PCDHA4: variants seen among roughly 807,000 people sequenced by gnomAD.
PCDHA4 encodes the protein protocadherin alpha 4, also known as protocadherin alpha-4.
PCDHA4 carries 49 observed loss-of-function variants against 61.4 expected under a neutral mutation model. That is an observed-to-expected ratio of 0.80 (90% CI 0.63 to 1.01). The LOEUF is 1.01. PCDHA4 is among the 50% of genes least tolerant of loss of function. PCDHA4 has a pLI of 0.00. For synonymous variants in PCDHA4, 590 were observed against 550.3 expected, an observed-to-expected ratio of 1.07 and a Z score of -1.01; for missense variants, 1,254 against 1,235.8, an observed-to-expected ratio of 1.01 and a Z score of -0.22.
intron 1 of PCDHA4, chr5:140,858,010 C>T (rs1554151006): frequency 1.3e-6 from 2 of 1,596,376 alleles, no homozygotes; most frequent in South Asian, 1.1e-5. Flanking sequence ...AGGACCATGG[C>T]GAGCCGTCGC....
chr5:140,876,657 C>T (rs782518264), intron 1 of PCDHA4: 3 of 1,614,228 alleles, frequency 1.9e-6, no homozygotes, highest in East Asian at 4.5e-5. Flanking sequence ...ATGTTCCCTT[C>T]AAGCTGGTGT....
chr5:140,967,293 A>T, intron 1 of PCDHA4: 1 of 1,612,824 alleles, frequency 6.2e-7, no homozygotes. Flanking sequence ...CAGGACCCCG[A>T]CGTGGGCGCC....
chr5:140,875,553 G>A (rs1447542979), intron 1 of PCDHA4: 4 of 1,614,000 alleles, frequency 2.5e-6, no homozygotes, highest in African/African-American at 2.7e-5. Flanking sequence ...GGGAGGTGGG[G>A]AGCGGCCAGC....
chr5:140,992,017 C>CTGTGTG (rs10602499), intron 3 of PCDHA4, among the ~76,000 whole-genome samples: 2,290 of 145,594 alleles, frequency 0.016, 56 homozygotes, highest in African/African-American at 0.05. Flanking sequence ...AGAGGTGGCT[C>CTGTGTG]TGTGTGTGTG....
intron 3 of PCDHA4, among the ~76,000 whole-genome samples, chr5:140,997,328 G>A (rs76646758): frequency 0.013 from 1,948 of 152,070 alleles, 47 homozygotes; most frequent in African/African-American, 0.045. Flanking sequence ...CAGTTTTTTC[G>A]TTGTACAAAT....
At chr5:140,875,373 A>G in intron 1 of PCDHA4, 7 of 1,454,810 alleles carry the variant, frequency 4.8e-6, no homozygotes, top group Non-Finnish European at 6.3e-6. Flanking sequence ...AAAATTTACT[A>G]AATATGTACT....
chr5:140,917,396 G>C (rs928504202), intron 1 of PCDHA4, among the ~76,000 whole-genome samples: 2 of 151,286 alleles, frequency 1.3e-5, no homozygotes, highest in East Asian at 3.9e-4. Flanking sequence ...ATGTGCAGAA[G>C]CTCTTTAGTT....
chr5:140,930,654 C>T (rs1229167848), intron 1 of PCDHA4, among the ~76,000 whole-genome samples: 1 of 152,106 alleles, frequency 6.6e-6, no homozygotes, highest in Non-Finnish European at 1.5e-5. Context: ...ATGAAGCATT[C>T]CTTGTTTTAC....
chr5:140,849,816 G>T lies in PCDHA4; in HGVS notation c.2385+40244G>T, dbSNP rs2150451582. ...GCCTTCACTGTGGGCCACGGCCAGG[G>T]TGTCTGTGGAGGTGGCCGACGTGAA... On this transcript the variant is annotated intron_variant, in intron 1 of 3. Transcript: ENST00000530339. 94 of 1,598,462 alleles carry T rather than the reference G, an allele frequency of 5.9e-5. 8 individuals are homozygous for T. Among genetic ancestry groups the T allele is most frequent in the Admixed American group, 5.1e-5 (3 of 59,318 alleles).
rs529065220 is a variant in PCDHA4, at chr5:140,930,291, C to T, written c.2386-48658C>T. On this transcript the variant is annotated intron_variant, in intron 1 of 3. Transcript: ENST00000530339. ...TATTTTAGGGGACAAATACACTTAA[C>T]AAATAAGTAAATATCATATTTGAGA... The T allele has an allele frequency of 2.6e-5, 4 of 152,208 alleles. No homozygotes were observed. The South Asian group carries it at 8.3e-4, about 32-fold the overall frequency. 9.4% of individuals were successfully genotyped at this position (152,208 alleles called of 1,614,324 possible). A position where few individuals can be genotyped will look rare whatever the true frequency, so the allele number is the denominator to read the frequency against.
At position 140,842,490 on chromosome 5, in the gene PCDHA4, T is replaced by C. The variant is rs2150337276; in HGVS notation, c.2385+32918T>C. The C allele has an allele frequency of 9.9e-6, 16 of 1,613,892 alleles. No homozygotes were observed. In the South Asian group the frequency reaches 1.6e-4, roughly 17 times the overall value. On this transcript the variant is annotated intron_variant, in intron 1 of 3. Transcript: ENST00000530339. ...AACGGGCAGGTGACCTGCTCCCTGA[T>C]GCCCCATGTCCCCTTCAAGCTGGTG... is the stretch of plus-strand genomic sequence containing the variant.
chr5:140,823,659 C>T (rs1562273954), intron 1 of PCDHA4: 1 of 1,613,866 alleles, frequency 6.2e-7, no homozygotes, highest in Non-Finnish European at 8.5e-7. Flanking sequence ...TGTACACAGG[C>T]GAGATCAGCA....
intron 1 of PCDHA4, chr5:140,968,908 A>G: frequency 6.2e-7 from 1 of 1,614,182 alleles, no homozygotes; most frequent in Non-Finnish European, 8.5e-7. Context: ...CATTAAGCAC[A>G]GTGTCTTTTA....
chr5:140,926,713 C>T (rs1018008271), intron 1 of PCDHA4: 2 of 944,684 alleles, frequency 2.1e-6, no homozygotes, highest in Non-Finnish European at 2.9e-6. Context: ...CTGGCCAGCC[C>T]CGGCAATGCC....
chr5:140,823,799 C>T (rs1463796705), intron 1 of PCDHA4: 2 of 1,613,668 alleles, frequency 1.2e-6, no homozygotes, highest in Non-Finnish European at 8.5e-7. Flanking sequence ...GGCCAGGCGC[C>T]GAAGGCCTCA....
At chr5:141,003,181 C>T (rs564008062) in intron 3 of PCDHA4, among the ~76,000 whole-genome samples, 8 of 152,328 alleles carry the variant, frequency 5.3e-5, no homozygotes, top group African/African-American at 1.7e-4. Flanking sequence ...AGGCTCAACT[C>T]CATCAACTCA....
At chr5:140,921,750 C>T (rs2080373281) in intron 1 of PCDHA4, among the ~76,000 whole-genome samples, 2 of 152,056 alleles carry the variant, frequency 1.3e-5, no homozygotes, top group African/African-American at 4.8e-5. Context: ...CATAACAGGA[C>T]ACTTCTTGGC....
At chr5:140,876,028 A>G in intron 1 of PCDHA4, 1 of 1,613,716 alleles carries the variant, frequency 6.2e-7, no homozygotes, top group Non-Finnish European at 8.5e-7. Flanking sequence ...AAAAACAAAA[A>G]AAGATAAAAG....
At chr5:140,906,097 T>G (rs1396034135) in intron 1 of PCDHA4, among the ~76,000 whole-genome samples, 1 of 152,144 alleles carries the variant, frequency 6.6e-6, no homozygotes, top group Non-Finnish European at 1.5e-5. Context: ...AGAGTAAGTG[T>G]GTCTTTCCCA....
Sources: gnomAD v4.1 joint callset for allele counts (sites outside exome capture counted in the v4.1 genomes callset) on GRCh38, gnomAD v4.1.1 for gene constraint, MANE v1.5 for transcripts, NCBI Gene and HGNC (gene_info 2026-07-23, HGNC 2026-07-21) for gene names.